Variants in KCNMB2 observed in about 807,000 individuals in gnomAD.
KCNMB2 encodes calcium-activated potassium channel subunit beta-2.
Under a neutral mutation model 24.5 loss-of-function variants are expected in KCNMB2, and 9 were observed. The ratio of observed to expected loss-of-function variants is 0.37; its 90% CI spans 0.22 to 0.64. The LOEUF (loss-of-function observed/expected upper bound fraction) is 0.64, where lower values mean the gene tolerates loss of function less well. Ranked by LOEUF, KCNMB2 falls within the 30% of genes least tolerant of loss-of-function variation. The pLI is 0.63. For missense variants in KCNMB2, 226 were observed against 284.3 expected, an observed-to-expected ratio of 0.79 and a Z score of 1.47; for synonymous variants, 109 against 104.4, an observed-to-expected ratio of 1.04 and a Z score of -0.27.
At chr3:178,563,567 A>T (rs1716401494) in intron 1 of KCNMB2, among the ~76,000 whole-genome samples, 1 of 152,142 alleles carries the variant, frequency 6.6e-6, no homozygotes, top group Admixed American at 6.5e-5. Context: ...CCTTTACTGA[A>T]TGGTCTTGCA....
intron 1 of KCNMB2, among the ~76,000 whole-genome samples, chr3:178,606,243 C>G (rs971126830): frequency 6.6e-6 from 1 of 152,138 alleles, no homozygotes; most frequent in Admixed American, 6.6e-5. Context: ...CAAATATCAT[C>G]AGAGATGCCT....
chr3:178,683,928 C>T (rs1721365542), intron 1 of KCNMB2, among the ~76,000 whole-genome samples: 1 of 152,116 alleles, frequency 6.6e-6, no homozygotes, highest in Admixed American at 6.5e-5. Flanking sequence ...AATAGAACTA[C>T]CCCATGATCC....
intron 1 of KCNMB2, among the ~76,000 whole-genome samples, chr3:178,701,250 AAAG>A (rs1208161623): frequency 6.6e-5 from 10 of 152,302 alleles, no homozygotes; most frequent in Admixed American, 6.5e-4. Flanking sequence ...CAGGTTTGTC[AAAG>A]ATGAGACAGC....
chr3:178,815,496 G>C (rs926965797), intron 2 of KCNMB2, among the ~76,000 whole-genome samples: 1 of 151,894 alleles, frequency 6.6e-6, no homozygotes, highest in African/African-American at 2.4e-5. Flanking sequence ...TGGTGAATAC[G>C]CTTTTATTTC....
chr3:178,758,383 GATACATATAT>G (rs1366333955), intron 1 of KCNMB2, among the ~76,000 whole-genome samples: 287 of 3,760 alleles, frequency 0.076, 35 homozygotes, highest in Non-Finnish European at 0.086. Flanking sequence ...TCCAAGAGGG[GATACATATAT>G]ATATATATAT....
intron 4 of KCNMB2, among the ~76,000 whole-genome samples, chr3:178,831,511 T>A (rs1715056245): frequency 6.6e-6 from 1 of 152,038 alleles, no homozygotes; most frequent in South Asian, 2.1e-4. Flanking sequence ...CCATCAACAG[T>A]GGACAGGATA....
At chr3:178,614,798 G>C (rs897765021) in intron 1 of KCNMB2, among the ~76,000 whole-genome samples, 1 of 152,170 alleles carries the variant, frequency 6.6e-6, no homozygotes, top group African/African-American at 2.4e-5. Flanking sequence ...CATTTGGTGA[G>C]TTCATGTTTT....
At chr3:178,704,290 C>T (rs1722204369) in intron 1 of KCNMB2, among the ~76,000 whole-genome samples, 2 of 152,078 alleles carry the variant, frequency 1.3e-5, no homozygotes, top group South Asian at 4.2e-4. Context: ...AAGAGATAGT[C>T]TCTTCCCTTT....
intron 2 of KCNMB2, chr3:178,824,629 A>C (rs9857119): frequency 0.64 from 99,521 of 154,908 alleles, 34,456 homozygotes; most frequent in African/African-American, 0.91. Context: ...CCGCCTCGGC[A>C]TCCGAAAGTG....
intron 1 of KCNMB2, among the ~76,000 whole-genome samples, chr3:178,736,381 C>G (rs1292714916): frequency 6.6e-6 from 1 of 152,158 alleles, no homozygotes; most frequent in Non-Finnish European, 1.5e-5. Context: ...AATTCTGTAC[C>G]TGTTTTGCTA....
chr3:178,717,242 G>A (rs930626793), intron 1 of KCNMB2, among the ~76,000 whole-genome samples: 6 of 152,008 alleles, frequency 3.9e-5, no homozygotes, highest in African/African-American at 1.5e-4. Flanking sequence ...TGTTTCCAAA[G>A]TATGGACTTC....
At chr3:178,826,495 G>A (rs1370979783) in intron 3 of KCNMB2, among the ~76,000 whole-genome samples, 2 of 152,088 alleles carry the variant, frequency 1.3e-5, no homozygotes, top group African/African-American at 4.8e-5. Flanking sequence ...ATAAATTGTG[G>A]GATAGCAAGT....
At chr3:178,781,598 A>C (rs1366392781) in intron 1 of KCNMB2, among the ~76,000 whole-genome samples, 3 of 151,188 alleles carry the variant, frequency 2.0e-5, no homozygotes, top group South Asian at 2.1e-4. Context: ...AATTTAAAAA[A>C]TAATAATAAT....
chr3:178,602,290 C>T (rs990147586), intron 1 of KCNMB2, among the ~76,000 whole-genome samples: 23 of 151,538 alleles, frequency 1.5e-4, no homozygotes, highest in African/African-American at 5.6e-4. Flanking sequence ...CAGAATCATT[C>T]ATCCCCCTCC....
chr3:178,620,148 T>G (rs1476212868), intron 1 of KCNMB2, among the ~76,000 whole-genome samples: 2 of 152,192 alleles, frequency 1.3e-5, no homozygotes, highest in East Asian at 3.8e-4. Context: ...TATGCTTGAA[T>G]ATTAGGCAGC....
intron 1 of KCNMB2, among the ~76,000 whole-genome samples, chr3:178,654,655 A>G (rs1367016607): frequency 1.3e-5 from 2 of 152,324 alleles, no homozygotes; most frequent in East Asian, 3.9e-4. Flanking sequence ...TTTTTTAAAA[A>G]AGATGGGATT....
intron 1 of KCNMB2, among the ~76,000 whole-genome samples, chr3:178,609,139 C>A (rs1460686419): frequency 6.6e-6 from 1 of 152,202 alleles, no homozygotes; most frequent in South Asian, 2.1e-4. Context: ...TTCTCCACAT[C>A]CTCGCCAGCA....
At chr3:178,677,560 A>G (rs1721112056) in intron 1 of KCNMB2, among the ~76,000 whole-genome samples, 1 of 152,152 alleles carries the variant, frequency 6.6e-6, no homozygotes, top group Non-Finnish European at 1.5e-5. Context: ...TTGTCTTCCC[A>G]CCAGGAACAT....
At chr3:178,767,689 C>T (rs1712178326) in intron 1 of KCNMB2, among the ~76,000 whole-genome samples, 2 of 152,190 alleles carry the variant, frequency 1.3e-5, no homozygotes, top group Admixed American at 6.5e-5. Flanking sequence ...CTTTATTCAT[C>T]TACAACCCCT....
Sources: gnomAD v4.1 joint callset for allele counts (sites outside exome capture counted in the v4.1 genomes callset) on GRCh38, gnomAD v4.1.1 for gene constraint, MANE v1.5 for transcripts, NCBI Gene and HGNC (gene_info 2026-07-23, HGNC 2026-07-21) for gene names.